Variants in B3GALT1 observed in about 807,000 individuals in gnomAD.
B3GALT1 encodes beta-1,3-galactosyltransferase 1.
In B3GALT1, 10 loss-of-function variants were observed where a neutral mutation model predicts 23.2. The observed-to-expected ratio is 0.43, with a 90% CI of 0.27 to 0.73. The LOEUF (loss-of-function observed/expected upper bound fraction) is 0.73, where lower values mean the gene tolerates loss of function less well. B3GALT1 is among the 30% of genes least tolerant of loss of function. B3GALT1 has a pLI of 0.21. For synonymous variants in B3GALT1, 156 were observed against 141.5 expected, an observed-to-expected ratio of 1.10 and a Z score of -0.73; for missense variants, 299 against 405.4, an observed-to-expected ratio of 0.74 and a Z score of 2.25.
At chr2:167,714,729 C>T (rs917344472) in intron 3 of B3GALT1, 6 of 1,613,716 alleles carry the variant, frequency 3.7e-6, no homozygotes, top group African/African-American at 2.7e-5. Flanking sequence ...TAAAAATGAA[C>T]AGTTCTCTCC....
intron 1 of B3GALT1, among the ~76,000 whole-genome samples, chr2:167,446,546 G>A (rs1161452857): frequency 2.0e-5 from 3 of 152,064 alleles, no homozygotes; most frequent in Non-Finnish European, 4.4e-5. Context: ...CATATTTCTT[G>A]GAGGCTTTGT....
At chr2:167,838,960 T>A (rs1248828927) in intron 4 of B3GALT1, among the ~76,000 whole-genome samples, 1 of 152,224 alleles carries the variant, frequency 6.6e-6, no homozygotes, top group East Asian at 1.9e-4. Context: ...AGAAAATGCC[T>A]TTGACAAAAT....
At chr2:167,790,298 T>C (rs569538966) in intron 3 of B3GALT1, among the ~76,000 whole-genome samples, 1 of 152,248 alleles carries the variant, frequency 6.6e-6, no homozygotes, top group African/African-American at 2.4e-5. Flanking sequence ...CACTCTAGAA[T>C]TACCCTCCAC....
intron 2 of B3GALT1, among the ~76,000 whole-genome samples, chr2:167,525,527 AC>A (rs1305358341): frequency 6.6e-6 from 1 of 152,086 alleles, no homozygotes; most frequent in African/African-American, 2.4e-5. Context: ...CTATGGACTT[AC>A]GTATATTATA....
intron 2 of B3GALT1, among the ~76,000 whole-genome samples, chr2:167,549,788 A>G (rs1430733950): frequency 6.6e-6 from 1 of 152,144 alleles, no homozygotes; most frequent in Non-Finnish European, 1.5e-5. Context: ...AGCATCAAAT[A>G]TTACCATTAA....
intron 1 of B3GALT1, among the ~76,000 whole-genome samples, chr2:167,482,484 G>T (rs1418377943): frequency 6.6e-6 from 1 of 152,028 alleles, no homozygotes; most frequent in East Asian, 1.9e-4. Flanking sequence ...AATATACATT[G>T]TTCACCTCCT....
At chr2:167,748,639 AC>A (rs1373351688) in intron 3 of B3GALT1, among the ~76,000 whole-genome samples, 3 of 152,184 alleles carry the variant, frequency 2.0e-5, no homozygotes, top group Non-Finnish European at 4.4e-5. Flanking sequence ...GTCAGGCAAA[AC>A]TTAATGGACC....
chr2:167,793,622 A>G (rs953114122), intron 3 of B3GALT1, among the ~76,000 whole-genome samples: 2 of 152,218 alleles, frequency 1.3e-5, no homozygotes, highest in Admixed American at 6.5e-5. Flanking sequence ...TAAAGTGTTA[A>G]GTAAAATTTC....
intron 1 of B3GALT1, among the ~76,000 whole-genome samples, chr2:167,400,166 C>CTGTGTGTGTGTGTGTG (rs149993955): frequency 0.013 from 1,931 of 145,772 alleles, 33 homozygotes; most frequent in South Asian, 0.04. Context: ...ACATCTATGT[C>CTGTGTGTGTGTGTGTG]TGTGTGTGTG....
chr2:167,487,508 C>G (rs1214968164), intron 1 of B3GALT1, among the ~76,000 whole-genome samples: 106 of 152,116 alleles, frequency 7.0e-4, no homozygotes, highest in Non-Finnish European at 1.0e-4. Flanking sequence ...TCCAATAACT[C>G]TTTATATGGT....
chr2:167,535,305 A>G lies in B3GALT1; in HGVS notation c.-410+45028A>G, dbSNP rs115358820. On this transcript the variant is annotated intron_variant, in intron 2 of 4. Transcript: ENST00000392690. ...AACTGTGTACAACTTTAGGGAGCTT[A>G]TGAAAGTGGTGACCCTGGAGTTGTT... is the stretch of plus-strand genomic sequence containing the variant. 5.6e-3 allele frequency among the ~76,000 whole-genome samples: 858 copies of G among 152,264 alleles called. 2 individuals are homozygous for G. Among genetic ancestry groups the G allele is most frequent in the Non-Finnish European group, 7.3e-3 (495 of 68,010 alleles).
At chr2:167,317,956 T>A (rs966413120) in intron 1 of B3GALT1, among the ~76,000 whole-genome samples, 1 of 152,264 alleles carries the variant, frequency 6.6e-6, no homozygotes, top group Non-Finnish European at 1.5e-5. Flanking sequence ...CAAGATCATT[T>A]GCTTAGTTAT....
chr2:167,758,521 C>G (rs1468543460), intron 3 of B3GALT1, among the ~76,000 whole-genome samples: 1 of 152,150 alleles, frequency 6.6e-6, no homozygotes, highest in Non-Finnish European at 1.5e-5. Flanking sequence ...AAGGACACAT[C>G]AGCACCTCTG....
At chr2:167,825,217 A>G (rs551168210) in intron 4 of B3GALT1, among the ~76,000 whole-genome samples, 152 of 149,862 alleles carry the variant, frequency 1.0e-3, no homozygotes, top group African/African-American at 3.6e-3. Flanking sequence ...CCGGGAGGCG[A>G]AGCTTGCAGT....
At chr2:167,531,181 A>G (rs529153245) in intron 2 of B3GALT1, among the ~76,000 whole-genome samples, 9 of 152,328 alleles carry the variant, frequency 5.9e-5, no homozygotes, top group Admixed American at 5.9e-4. Context: ...TGTCAAAGTA[A>G]TAATTACTTC....
chr2:167,832,481 A>C (rs1172878096), intron 4 of B3GALT1, among the ~76,000 whole-genome samples: 1 of 152,224 alleles, frequency 6.6e-6, no homozygotes, highest in Non-Finnish European at 1.5e-5. Flanking sequence ...TCAATGCAGC[A>C]AAATCCAAAG....
intron 2 of B3GALT1, among the ~76,000 whole-genome samples, chr2:167,592,209 T>C (rs916811586): frequency 2.0e-5 from 3 of 152,046 alleles, no homozygotes; most frequent in African/African-American, 7.2e-5. Flanking sequence ...AAGATAGCAA[T>C]ATCAATTTGG....
chr2:167,629,205 G>A (rs767934224), intron 2 of B3GALT1, among the ~76,000 whole-genome samples: 12 of 151,600 alleles, frequency 7.9e-5, no homozygotes, highest in Non-Finnish European at 1.5e-4. Context: ...AGAGAAAATC[G>A]GTGATCTCGT....
chr2:167,862,369 A>G (rs1690118512), intron 4 of B3GALT1, among the ~76,000 whole-genome samples: 1 of 152,180 alleles, frequency 6.6e-6, no homozygotes, highest in African/African-American at 2.4e-5. Flanking sequence ...TGAGCTCAGG[A>G]GGAGATGCAT....
Sources: allele counts gnomAD v4.1 joint callset (sites outside exome capture counted in the v4.1 genomes callset), GRCh38; gene constraint gnomAD v4.1.1; transcripts MANE v1.5; gene names NCBI Gene and HGNC (gene_info 2026-07-23, HGNC 2026-07-21).